KCNN3: variants seen among roughly 807,000 people sequenced by gnomAD.
The protein encoded by KCNN3 is potassium calcium-activated channel subfamily N member 3.
Under a neutral mutation model 62.9 loss-of-function variants are expected in KCNN3, and 16 were observed. The observed-to-expected ratio is 0.25, with a 90% CI of 0.17 to 0.39. The LOEUF (loss-of-function observed/expected upper bound fraction) is 0.39. Ranked by LOEUF, KCNN3 falls within the 10% of genes least tolerant of loss-of-function variation. KCNN3 has a pLI of 1.00. For missense variants in KCNN3, 599 were observed against 949.4 expected (o/e 0.63, Z 4.85); for synonymous variants, 370 against 389.2 (o/e 0.95, Z 0.58).
rs145777117 is a variant in KCNN3 at position 154,791,405 on chromosome 1, C to T, written c.1030-19012G>A. Among the ~76,000 whole-genome samples the T allele has an allele frequency of 1.9e-4, 29 of 151,968 alleles. No individual in the cohort carries two copies. The East Asian group carries it at 5.2e-3, about 27-fold the overall frequency. ...GAGGAGCTCAACAGATGTCTGCCCG[C>T]GACAGCTCAGCAGGTGGGATGGGTG... On this transcript the variant is annotated intron_variant, in intron 2 of 7. Transcript: ENST00000271915.
intron 7 of KCNN3, among the ~76,000 whole-genome samples, chr1:154,709,845 C>T (rs752979259): frequency 6.6e-6 from 1 of 152,198 alleles, no homozygotes; most frequent in Non-Finnish European, 1.5e-5. Context: ...GCAGGGGCAC[C>T]CTGATGAGCT....
rs1413202740 is a variant in KCNN3, at chr1:154,869,059, G to A, written c.906C>T (p.Thr302=). Residue 302 remains threonine, a synonymous_variant, in exon 1 of 8, where the codon ACC becomes ACT. Transcript: ENST00000271915. This position sits in a 1 kb window ranked among gnomAD's most constrained non-coding sequence, Gnocchi z 6.1. ...MFGIVVMVIE[T]ELSWGLYSKD... is the part of the protein sequence containing the mutation. ...TTGAGTACAAACCCCAAGAGAGCTC[G>A]GTCTCTATCACCATAACAACAATTC... 1.9e-6 allele frequency: 3 copies of A among 1,613,888 alleles called. No individual in the cohort carries two copies. Among genetic ancestry groups the A allele is most frequent in the African/African-American group, 1.3e-5 (1 of 74,852 alleles).
chr1:154,775,228 C>A (rs1186926915), intron 2 of KCNN3, among the ~76,000 whole-genome samples: 1 of 152,176 alleles, frequency 6.6e-6, no homozygotes, highest in East Asian at 1.9e-4. Context: ...AACTGAGGAC[C>A]CAGGAGAGGA....
intron 1 of KCNN3, chr1:154,859,655 C>T (rs1652680111): frequency 1.3e-6 from 2 of 1,599,996 alleles, no homozygotes; most frequent in Non-Finnish European, 1.7e-6. Flanking sequence ...CATCTGCTTC[C>T]TCCTCCCTAC....
chr1:154,822,239 C>T (rs1350417935), intron 1 of KCNN3, 55 bp from the exon 2 acceptor site: 1 of 1,298,340 alleles, frequency 7.7e-7, no homozygotes, highest in East Asian at 2.3e-5. Flanking sequence ...GAGCGTCTCA[C>T]TTTATTCTGC....
chr1:154,860,706 C>G (rs1473447437), intron 1 of KCNN3, among the ~76,000 whole-genome samples: 23 of 152,204 alleles, frequency 1.5e-4, no homozygotes, highest in Admixed American at 1.5e-3. Flanking sequence ...CAGGCAGGGA[C>G]ACCTGCAGAC....
intron 1 of KCNN3, among the ~76,000 whole-genome samples, chr1:154,840,466 C>T (rs976096393): frequency 1.3e-5 from 2 of 152,168 alleles, no homozygotes; most frequent in African/African-American, 4.8e-5. Context: ...AGGTTTCCTG[C>T]GAAGGCTTCC....
At chr1:154,782,903 G>C (rs1347239726) in intron 2 of KCNN3, among the ~76,000 whole-genome samples, 1 of 152,202 alleles carries the variant, frequency 6.6e-6, no homozygotes, top group Admixed American at 6.5e-5. Flanking sequence ...GCCAGTTTGG[G>C]CTTTACTTTG....
chr1:154,812,452 C>G (rs1197932461), intron 2 of KCNN3, among the ~76,000 whole-genome samples: 2 of 151,190 alleles, frequency 1.3e-5, no homozygotes, highest in Non-Finnish European at 2.9e-5. Context: ...TGTTCCCCTT[C>G]CTGTGTCCAT....
Position 154,706,270 on chromosome 1 carries a change from C to A in KCNN3, c.*1706G>T, listed in dbSNP as rs1699963438. The A allele has an allele frequency of 6.6e-6, 1 of 152,196 alleles. No homozygotes were observed. The highest frequency in any genetic ancestry group is 1.5e-5 in the Non-Finnish European group (1 of 68,038). The allele number at this position is 152,196 out of a possible 1,614,324, so 9.4% of individuals were successfully genotyped here. On this transcript the variant is annotated 3_prime_UTR_variant, in exon 8 of 8. Coordinates refer to ENST00000271915, the MANE Select transcript of KCNN3 (RefSeq NM_002249.6). ...CCCAGTGCTACAGAATAAAAATCTC[C>A]ATGCCAAGCCACTGCCTTCAGAATG...
rs537182170 is a variant in KCNN3, at chr1:154,704,776, A to AT, written c.*3199dup. On this transcript the variant is annotated 3_prime_UTR_variant, in exon 8 of 8. Transcript: ENST00000271915. ...AATTAATAGTTTTTACATATAGCCGATTTTTTTTTTTTTTTTGAGACGGAG... is the reference window on the plus strand; with the variant it reads ...AATTAATAGTTTTTACATATAGCCGATTTTTTTTTTTTTTTTTGAGACGGAG... 0.12 allele frequency: 16,472 copies of AT among 139,852 alleles called. 1,215 individuals carry two copies. The highest frequency in any genetic ancestry group is 0.23 in the East Asian group (1,124 of 4,846). The allele number at this position is 139,852 out of a possible 1,614,324, so 8.7% of individuals were successfully genotyped here.
chr1:154,742,190 A>C (rs1290199968), intron 3 of KCNN3, among the ~76,000 whole-genome samples: 1 of 152,110 alleles, frequency 6.6e-6, no homozygotes, highest in Admixed American at 6.5e-5. Flanking sequence ...GTCCTCCCTG[A>C]TGCCTTCTAA....
intron 2 of KCNN3, among the ~76,000 whole-genome samples, chr1:154,783,771 C>T (rs1649161778): frequency 6.6e-6 from 1 of 152,178 alleles, no homozygotes; most frequent in African/African-American, 2.4e-5. Flanking sequence ...CCACTGAGGA[C>T]TTGACCACCC....
chr1:154,714,437 G>T (rs1387612939), intron 6 of KCNN3, among the ~76,000 whole-genome samples: 43 of 102,584 alleles, frequency 4.2e-4, no homozygotes, highest in African/African-American at 7.9e-4. Context: ...GTGGTGTGTG[G>T]GGGGTGTGTG....
intron 2 of KCNN3, among the ~76,000 whole-genome samples, chr1:154,774,427 C>T (rs1415272126): frequency 6.6e-6 from 1 of 152,220 alleles, no homozygotes; most frequent in Non-Finnish European, 1.5e-5. Flanking sequence ...TCACATCCTT[C>T]CCCTCTGGGG....
At chr1:154,749,204 C>T (rs554733082) in intron 3 of KCNN3, among the ~76,000 whole-genome samples, 11 of 152,348 alleles carry the variant, frequency 7.2e-5, no homozygotes, top group African/African-American at 2.6e-4. Context: ...CACTGTGCAA[C>T]TCCAAGGAGT....
chr1:154,856,109 C>A lies in KCNN3; in HGVS notation c.933+12923G>T, dbSNP rs139306308. On this transcript the variant is annotated intron_variant, in intron 1 of 7. Coordinates refer to ENST00000271915, the MANE Select transcript of KCNN3 (RefSeq NM_002249.6). ...GACTTTTATTCTCCCAGTGAGAAGA[C>A]AAATCTGTTTCCCCTCCACCAGAAG... Among the ~76,000 whole-genome samples, 653 of 152,304 alleles carry A rather than the reference C, an allele frequency of 4.3e-3. 5 individuals are homozygous for A. The highest frequency in any genetic ancestry group is 0.015 in the African/African-American group (619 of 41,570).
At position 154,791,565 on chromosome 1, in the gene KCNN3, CA is replaced by C. The variant is rs1157030657; in HGVS notation, c.1030-19173del. ...GAACTGAGAATGTGGAGGAGGAAGA[CA>C]GGACAAAAATAAATCCAGTCACTGC... On this transcript the variant is annotated intron_variant, in intron 2 of 7. Coordinates refer to ENST00000271915, the MANE Select transcript of KCNN3 (RefSeq NM_002249.6). Among the ~76,000 whole-genome samples, 3 of 152,154 alleles carry C rather than the reference CA, an allele frequency of 2.0e-5. No homozygotes were observed. In the East Asian group the frequency reaches 5.8e-4, roughly 29 times the overall value.
At chr1:154,865,807 G>A (rs1652936093) in intron 1 of KCNN3, among the ~76,000 whole-genome samples, 1 of 152,138 alleles carries the variant, frequency 6.6e-6, no homozygotes. Flanking sequence ...AGCAGCTCAG[G>A]CACAAGGTTA....
Sources: allele counts gnomAD v4.1 joint callset (sites outside exome capture counted in the v4.1 genomes callset), GRCh38; gene constraint gnomAD v4.1.1; non-coding constraint Gnocchi (gnomAD v3.1); transcripts MANE v1.5; gene names NCBI Gene and HGNC (gene_info 2026-07-23, HGNC 2026-07-21).